The following FTO variants were observed in gnomAD, a reference collection of about 807,000 sequenced individuals.
FTO encodes the protein alpha-ketoglutarate-dependent dioxygenase FTO.
In FTO, 47 loss-of-function variants were observed where a neutral mutation model predicts 63.9. The ratio of observed to expected loss-of-function variants is 0.74; its 90% CI spans 0.58 to 0.94. The LOEUF (loss-of-function observed/expected upper bound fraction) is 0.94, where lower values mean the gene tolerates loss of function less well. FTO is among the 40% of genes least tolerant of loss of function. The probability of loss-of-function intolerance (pLI) is 0.00; values close to 1 mark genes in which losing one functional copy is unlikely to be tolerated. For synonymous variants in FTO, 207 were observed against 224.4 expected (o/e 0.92, Z 0.69); for missense variants, 562 against 618.1 (o/e 0.91, Z 0.96).
At chr16:53,964,876 A>C (rs769970323) in intron 8 of FTO, among the ~76,000 whole-genome samples, 3 of 152,368 alleles carry the variant, frequency 2.0e-5, no homozygotes, top group Admixed American at 6.5e-5. Context: ...TTATGGATAC[A>C]TATGAGACAT....
chr16:53,706,536 T>G (rs72803658), intron 1 of FTO, among the ~76,000 whole-genome samples: 4,861 of 152,306 alleles, frequency 0.032, 163 homozygotes, highest in East Asian at 0.14. Context: ...CAGTGTATAC[T>G]TTTGGGTCTT....
Position 53,879,873 on chromosome 16 carries a change from A to G in FTO, c.1005A>G (p.Leu335=), listed in dbSNP as rs1357298171. 1 of 1,614,048 alleles carries G rather than the reference A, an allele frequency of 6.2e-7. No homozygotes were observed. The highest frequency in any genetic ancestry group is 1.7e-5 in the Admixed American group (1 of 60,020). ...ECSTGTLDYI[L]QRCQLALQNV... ...CAACAGGAACCTTGGATTATATTTTACAACGCTGTCAGTTGGCTCTGCAGA... is the reference window on the plus strand; with the variant it reads ...CAACAGGAACCTTGGATTATATTTTGCAACGCTGTCAGTTGGCTCTGCAGA... The change falls in exon 6 of 9, where the codon TTA becomes TTG. Residue 335 remains leucine, a synonymous_variant. Transcript: ENST00000471389.
intron 8 of FTO, among the ~76,000 whole-genome samples, chr16:54,058,159 A>G (rs962470997): frequency 1.4e-4 from 22 of 151,910 alleles, no homozygotes; most frequent in African/African-American, 5.1e-4. Context: ...TCAAGACTGG[A>G]GTTCAGTGAC....
intron 1 of FTO, among the ~76,000 whole-genome samples, chr16:53,759,200 A>G (rs2076990528): frequency 6.6e-6 from 1 of 152,240 alleles, no homozygotes; most frequent in African/African-American, 2.4e-5. Context: ...AATTGAAAAT[A>G]TGATAGCAGA....
intron 1 of FTO, among the ~76,000 whole-genome samples, chr16:53,806,040 A>G (rs2078358156): frequency 6.6e-6 from 1 of 152,156 alleles, no homozygotes; most frequent in South Asian, 2.1e-4. Context: ...TGACAGTCAA[A>G]CGTGAGCTCC....
Position 54,119,220 on chromosome 16 carries a change from G to A in FTO, c.*7305G>A, listed in dbSNP as rs571579539. 2.0e-5 allele frequency: 3 copies of A among 152,334 alleles called. No homozygotes were observed. The highest frequency in any genetic ancestry group is 4.1e-4 in the South Asian group (2 of 4,822). 9.4% of individuals were successfully genotyped at this position (152,334 alleles called of 1,614,324 possible). A position where few individuals can be genotyped will look rare whatever the true frequency, so the allele number is the denominator to read the frequency against. ...AGCCTCCAGACACACGGATGGAGGA[G>A]CATGATTTCATTTGTTTCTTTGCAA... On this transcript the variant is annotated 3_prime_UTR_variant, in exon 9 of 9. Coordinates refer to ENST00000471389, the MANE Select transcript of FTO (RefSeq NM_001080432.3).
chr16:53,960,455 A>G (rs980796111), intron 8 of FTO, among the ~76,000 whole-genome samples: 10 of 152,338 alleles, frequency 6.6e-5, no homozygotes, highest in Middle Eastern at 3.4e-3. Context: ...GAGGGAAAGT[A>G]TGAATTTTTA....
chr16:54,001,956 T>C (rs566031551), intron 8 of FTO, among the ~76,000 whole-genome samples: 4 of 152,286 alleles, frequency 2.6e-5, no homozygotes, highest in Middle Eastern at 6.8e-3. Flanking sequence ...GGGGCTTCCT[T>C]TGGGCCAGAT....
At chr16:53,965,822 T>A (rs1385774469) in intron 8 of FTO, 1 of 152,146 alleles carries the variant, frequency 6.6e-6, no homozygotes, top group Non-Finnish European at 1.5e-5. Flanking sequence ...TTTCATCTTG[T>A]GTAAAATCAG....
At chr16:53,777,482 T>C (rs1455186787) in intron 1 of FTO, among the ~76,000 whole-genome samples, 7 of 152,230 alleles carry the variant, frequency 4.6e-5, no homozygotes, top group Non-Finnish European at 8.8e-5. Flanking sequence ...TTAACTTTTC[T>C]TACTTTGTTA....
chr16:54,051,717 T>G (rs1301043556), intron 8 of FTO, among the ~76,000 whole-genome samples: 4 of 152,232 alleles, frequency 2.6e-5, no homozygotes, highest in African/African-American at 9.6e-5. Flanking sequence ...ACCCTTTATA[T>G]CAATACTTCA....
At chr16:53,987,653 A>G (rs1214318843) in intron 8 of FTO, among the ~76,000 whole-genome samples, 1 of 151,856 alleles carries the variant, frequency 6.6e-6, no homozygotes, top group African/African-American at 2.4e-5. Flanking sequence ...GTTTGTGCAC[A>G]CAGAAATACA....
chr16:53,728,790 T>C (rs2076207894), intron 1 of FTO, among the ~76,000 whole-genome samples: 1 of 135,964 alleles, frequency 7.4e-6, no homozygotes, highest in Non-Finnish European at 1.6e-5. Flanking sequence ...TGTCAGGGAG[T>C]CTCGCTCTGT....
chr16:53,820,424 G>A (rs550213196), intron 2 of FTO, among the ~76,000 whole-genome samples: 21 of 152,026 alleles, frequency 1.4e-4, no homozygotes, highest in Admixed American at 3.3e-4. Flanking sequence ...GAAGTAAAGC[G>A]TGGGGAGTGA....
chr16:53,944,019 G>C (rs2082599971), intron 8 of FTO, among the ~76,000 whole-genome samples: 1 of 152,206 alleles, frequency 6.6e-6, no homozygotes, highest in African/African-American at 2.4e-5. Context: ...AATGGGCAAA[G>C]CCATACCTAT....
chr16:53,822,603 G>T (rs2078897206), intron 2 of FTO, among the ~76,000 whole-genome samples: 1 of 152,142 alleles, frequency 6.6e-6, no homozygotes, highest in South Asian at 2.1e-4. Context: ...ACTGACTCCA[G>T]CACACCACCA....
intron 8 of FTO, among the ~76,000 whole-genome samples, chr16:53,980,892 A>G (rs2083526813): frequency 6.6e-6 from 1 of 152,254 alleles, no homozygotes; most frequent in South Asian, 2.1e-4. Flanking sequence ...TTGCTGATAC[A>G]GTTTAGAATT....
intron 8 of FTO, among the ~76,000 whole-genome samples, chr16:53,998,162 G>A (rs1451790099): frequency 6.6e-6 from 1 of 152,150 alleles, no homozygotes; most frequent in Non-Finnish European, 1.5e-5. Context: ...AGCAGAACAT[G>A]GGGAAAGGGA....
At chr16:53,812,088 C>T (rs1193404130) in intron 2 of FTO, among the ~76,000 whole-genome samples, 1 of 152,112 alleles carries the variant, frequency 6.6e-6, no homozygotes, top group Non-Finnish European at 1.5e-5. Context: ...GCTGGGGTTA[C>T]AGGCATGACC....
Sources: allele counts gnomAD v4.1 joint callset (sites outside exome capture counted in the v4.1 genomes callset), GRCh38; gene constraint gnomAD v4.1.1; transcripts MANE v1.5; gene names NCBI Gene and HGNC (gene_info 2026-07-23, HGNC 2026-07-21).